Variants in SH3RF1 observed in about 807,000 individuals in gnomAD.
SH3RF1 encodes SH3 domain containing ring finger 1.
Under a neutral mutation model 74.0 loss-of-function variants are expected in SH3RF1, and 32 were observed. That is an observed-to-expected ratio of 0.43 (90% CI 0.33 to 0.58). The LOEUF (loss-of-function observed/expected upper bound fraction) is 0.58. Among genes scored for constraint, SH3RF1 ranks in the 20% least tolerant of loss-of-function variants. SH3RF1 has a pLI of 0.05. For missense variants in SH3RF1, 954 were observed against 1,130.9 expected (o/e 0.84, Z 2.24); for synonymous variants, 396 against 439.6 (o/e 0.90, Z 1.24).
chr4:169,156,529 A>C lies in SH3RF1; in HGVS notation c.544T>G (p.Phe182Val). 6.2e-6 allele frequency: 10 copies of C among 1,614,124 alleles called. No individual in the cohort carries two copies. Among genetic ancestry groups the C allele is most frequent in the Non-Finnish European group, 8.5e-6 (10 of 1,180,002 alleles). The change falls in exon 3 of 12, where the codon TTT becomes GTT. Residue 182 changes from phenylalanine (F) to valine (V), a missense_variant. By Grantham distance (50) the Phe-to-Val change is conservative (BLOSUM62 -1). This residue lies in a region of SH3RF1 where 854 missense variants were observed against 962.5 expected (regional missense o/e 0.89). Transcript: ENST00000284637. ...ATCTGCACAAAGTTGGTGGGGAAAA[A>C]GCCATGGATTCCATTGACTTCCCCA... ...YHGEVNGIHG[F>V]FPTNFVQIIK...
chr4:169,231,293 T>C (rs1034437484), intron 2 of SH3RF1, among the ~76,000 whole-genome samples: 1 of 152,140 alleles, frequency 6.6e-6, no homozygotes, highest in African/African-American at 2.4e-5. Context: ...ATAAGTTGGG[T>C]GTGGTGGCTC....
At chr4:169,243,315 C>A (rs1036853363) in intron 2 of SH3RF1, among the ~76,000 whole-genome samples, 3 of 152,116 alleles carry the variant, frequency 2.0e-5, no homozygotes, top group Admixed American at 1.3e-4. Context: ...GAGTTCGAGA[C>A]CAGCCTGGCC....
chr4:169,211,469 G>A (rs1579140373), intron 2 of SH3RF1, among the ~76,000 whole-genome samples: 4 of 129,732 alleles, frequency 3.1e-5, no homozygotes, highest in East Asian at 2.5e-4. Context: ...GCAACAGAGC[G>A]AGACTCCGTC....
chr4:169,097,710 G>C (rs1353604126), intron 11 of SH3RF1, among the ~76,000 whole-genome samples: 2 of 152,168 alleles, frequency 1.3e-5, no homozygotes, highest in Non-Finnish European at 2.9e-5. Context: ...AGTGATCCTT[G>C]CTTCCTGGTA....
intron 11 of SH3RF1, among the ~76,000 whole-genome samples, chr4:169,099,647 T>C (rs1457784101): frequency 6.6e-6 from 1 of 152,146 alleles, no homozygotes; most frequent in Non-Finnish European, 1.5e-5. Flanking sequence ...TGAGCTGCCT[T>C]AAAGGTGAAA....
chr4:169,270,500 G>C (rs1731430171), intron 1 of SH3RF1, among the ~76,000 whole-genome samples: 1 of 152,260 alleles, frequency 6.6e-6, no homozygotes, highest in South Asian at 2.1e-4. Context: ...AAATGCGCAG[G>C]CTTAAGTTGC....
At chr4:169,189,825 T>C (rs535729395) in intron 2 of SH3RF1, among the ~76,000 whole-genome samples, 104 of 152,302 alleles carry the variant, frequency 6.8e-4, no homozygotes, top group South Asian at 3.1e-3. Context: ...TACTCAAGTC[T>C]ACTACACTCA....
chr4:169,190,383 G>T (rs181466023), intron 2 of SH3RF1, among the ~76,000 whole-genome samples: 2 of 152,010 alleles, frequency 1.3e-5, no homozygotes, highest in East Asian at 3.9e-4. Flanking sequence ...GAAACAAAAC[G>T]AGAGACATTA....
intron 2 of SH3RF1, among the ~76,000 whole-genome samples, chr4:169,192,201 A>C (rs1359508987): frequency 1.3e-5 from 2 of 152,222 alleles, no homozygotes; most frequent in African/African-American, 4.8e-5. Flanking sequence ...ATCAACAAGA[A>C]AAAAACAATC....
At chr4:169,156,812 A>G in intron 2 of SH3RF1, 133 bp from the exon 3 acceptor site, 2 of 779,772 alleles carry the variant, frequency 2.6e-6, no homozygotes, top group Non-Finnish European at 4.0e-6. Flanking sequence ...AATCTCACAC[A>G]AAAACAATAT....
intron 2 of SH3RF1, chr4:169,166,860 C>A: frequency 3.3e-6 from 1 of 301,236 alleles, no homozygotes; most frequent in South Asian, 5.2e-5. Flanking sequence ...CCACCTCAAC[C>A]AAAATTGGTA....
chr4:169,098,831 A>G (rs965050659), intron 11 of SH3RF1, among the ~76,000 whole-genome samples: 1 of 152,216 alleles, frequency 6.6e-6, no homozygotes, highest in Non-Finnish European at 1.5e-5. Flanking sequence ...GTAGAATAGG[A>G]CTGTAATGAG....
At chr4:169,220,750 G>A (rs1453797618) in intron 2 of SH3RF1, among the ~76,000 whole-genome samples, 1 of 152,198 alleles carries the variant, frequency 6.6e-6, no homozygotes, top group Non-Finnish European at 1.5e-5. Flanking sequence ...CTAACAATCT[G>A]TTACTATTCA....
intron 6 of SH3RF1, among the ~76,000 whole-genome samples, chr4:169,124,264 G>T (rs1009952899): frequency 2.6e-5 from 4 of 152,104 alleles, no homozygotes; most frequent in Non-Finnish European, 4.4e-5. Context: ...ATCTATTATA[G>T]CTTAACTTTA....
At chr4:169,156,236 A>G (rs147088277) in intron 3 of SH3RF1, among the ~76,000 whole-genome samples, 168 bp downstream of exon 3, 375 of 152,336 alleles carry the variant, frequency 2.5e-3, no homozygotes, top group Non-Finnish European at 4.4e-3. Context: ...GCATAAAATT[A>G]CCTTCCTTGT....
At chr4:169,104,574 T>C (rs916462709) in intron 11 of SH3RF1, among the ~76,000 whole-genome samples, 1 of 152,174 alleles carries the variant, frequency 6.6e-6, no homozygotes, top group African/African-American at 2.4e-5. Flanking sequence ...GTTAGAACTA[T>C]AGAAAATTAT....
intron 2 of SH3RF1, among the ~76,000 whole-genome samples, chr4:169,264,137 G>A (rs765664801): frequency 6.6e-6 from 1 of 152,178 alleles, no homozygotes; most frequent in Non-Finnish European, 1.5e-5. Flanking sequence ...GGCACAGACT[G>A]GGTGGCTTAA....
chr4:169,165,560 G>A (rs1300899746), intron 2 of SH3RF1, among the ~76,000 whole-genome samples: 1 of 151,664 alleles, frequency 6.6e-6, no homozygotes, highest in African/African-American at 2.4e-5. Context: ...ATGGTGGCAC[G>A]TGCCTGTAGT....
At chr4:169,199,853 G>A (rs947228555) in intron 2 of SH3RF1, among the ~76,000 whole-genome samples, 6 of 152,210 alleles carry the variant, frequency 3.9e-5, no homozygotes, top group Middle Eastern at 3.4e-3. Context: ...CACGACACAT[G>A]TAAATTAATC....
Sources: allele counts gnomAD v4.1 joint callset (sites outside exome capture counted in the v4.1 genomes callset), GRCh38; gene constraint gnomAD v4.1.1; regional missense constraint gnomAD v4.1.1; transcripts MANE v1.5; gene names NCBI Gene and HGNC (gene_info 2026-07-23, HGNC 2026-07-21).